KYNU: variants seen among roughly 807,000 people sequenced by gnomAD.
The protein encoded by KYNU is L-kynurenine hydrolase.
A neutral mutation model predicts 59.2 loss-of-function variants in KYNU; 54 were observed. That is an observed-to-expected ratio of 0.91 (90% confidence interval 0.73 to 1.14). The LOEUF (loss-of-function observed/expected upper bound fraction) is 1.14, where lower values mean the gene tolerates loss of function less well. Among genes scored for constraint, KYNU ranks in the 50% most tolerant of loss-of-function variants. KYNU has a pLI of 0.00. For missense variants in KYNU, 567 were observed against 554.4 expected (o/e 1.02, Z -0.23); for synonymous variants, 177 against 192.0 (o/e 0.92, Z 0.65).
intron 10 of KYNU, among the ~76,000 whole-genome samples, chr2:143,018,488 TG>T (rs1370079425): frequency 3.3e-5 from 5 of 152,170 alleles, no homozygotes; most frequent in Non-Finnish European, 7.4e-5. Flanking sequence ...CCTGTCCTAT[TG>T]GTCTATGTGT....
chr2:143,050,062 A>T lies in KYNU; in HGVS notation c.*7890A>T, dbSNP rs908456553. On this transcript the variant is annotated 3_prime_UTR_variant, in exon 14 of 14. Coordinates refer to ENST00000264170, the MANE Select transcript of KYNU (RefSeq NM_003937.3). ...ATAAAATAAAAACATATAAAATATG[A>T]AATATATAATACAGTATAAAATCTA... The T allele has an allele frequency of 6.8e-6, 1 of 148,122 alleles. No individual in the cohort carries two copies. Among genetic ancestry groups the T allele is most frequent in the African/African-American group, 2.4e-5 (1 of 40,884 alleles). 9.2% of individuals were successfully genotyped at this position (148,122 alleles called of 1,614,324 possible).
chr2:142,983,602 C>T (rs546542687), intron 8 of KYNU, among the ~76,000 whole-genome samples: 4 of 152,170 alleles, frequency 2.6e-5, no homozygotes, highest in South Asian at 2.1e-4. Context: ...TACTAGGATA[C>T]ACTTAAGCAG....
intron 2 of KYNU, among the ~76,000 whole-genome samples, chr2:142,915,613 T>C (rs1415471544): frequency 6.6e-6 from 1 of 152,168 alleles, no homozygotes; most frequent in Non-Finnish European, 1.5e-5. Flanking sequence ...CCTCAAGCAA[T>C]AAAGTGAGTT....
Position 142,957,719 on chromosome 2 carries a change from T to A in KYNU, c.582+4T>A. On this transcript the variant is annotated splice_donor_region_variant and intron_variant, in intron 7 of 13. Coordinates refer to ENST00000264170, the MANE Select transcript of KYNU (RefSeq NM_003937.3). ...GCGGATGATAAAGCCAAGAGAGGTA[T>A]ATGAGAAAGAAAGAAATATTTGTCA... 1 of 1,558,234 alleles carries A rather than the reference T, an allele frequency of 6.4e-7. No individual in the cohort carries two copies. Among genetic ancestry groups the A allele is most frequent in the Non-Finnish European group, 8.9e-7 (1 of 1,129,672 alleles).
intron 2 of KYNU, among the ~76,000 whole-genome samples, chr2:142,886,121 T>TA (rs1232033385): frequency 6.6e-6 from 1 of 152,118 alleles, no homozygotes; most frequent in South Asian, 2.1e-4. Context: ...GGAAGTCATT[T>TA]AAAAAAATAA....
Position 142,926,491 on chromosome 2 carries a change from TG to T in KYNU, c.291-1165del, listed in dbSNP as rs373792178. 3.0e-4 allele frequency among the ~76,000 whole-genome samples: 45 copies of T among 152,336 alleles called. No individual in the cohort carries two copies. The East Asian group carries it at 8.7e-3, about 29-fold the overall frequency. ...TACTTGGCATAAGTAAGGAGGACAC[TG>T]GGAGTTTTCACAAAAGCAGTGTCTC... On this transcript the variant is annotated intron_variant, in intron 3 of 13. Coordinates refer to ENST00000264170, the MANE Select transcript of KYNU (RefSeq NM_003937.3).
intron 10 of KYNU, among the ~76,000 whole-genome samples, chr2:142,993,042 T>G (rs140075889): frequency 6.6e-6 from 1 of 151,944 alleles, no homozygotes; most frequent in Non-Finnish European, 1.5e-5. Context: ...TGGGAAGAGC[T>G]TGAGCAAGGA....
intron 4 of KYNU, chr2:142,947,489 A>G (rs1683830702): frequency 3.3e-6 from 1 of 298,878 alleles, no homozygotes. Flanking sequence ...ATGGTCCATG[A>G]CATTGCCTTT....
intron 12 of KYNU, among the ~76,000 whole-genome samples, chr2:143,038,032 G>A (rs1686935419): frequency 6.6e-6 from 1 of 152,028 alleles, no homozygotes; most frequent in African/African-American, 2.4e-5. Flanking sequence ...CAAAAAAATT[G>A]GTTTCTAGTT....
chr2:142,990,192 T>A (rs948872401), intron 10 of KYNU: 1 of 151,876 alleles, frequency 6.6e-6, no homozygotes, highest in Non-Finnish European at 1.5e-5. Flanking sequence ...GGTCATGACT[T>A]CTTGGATGTT....
In KYNU at chr2:143,041,984, G is replaced by T. The variant is rs80245491; in HGVS notation, c.1273-63G>T. On this transcript the variant is annotated intron_variant, in intron 13 of 13. Transcript: ENST00000264170. ...AAAGTGCTTTACATAAGTTTATCTG[G>T]AATGTAGATTTTCAACGTGTGAATA... The T allele has an allele frequency of 1.9e-6, 3 of 1,549,196 alleles. No homozygotes were observed. The South Asian group carries it at 3.4e-5, about 17-fold the overall frequency.
At chr2:142,976,962 A>G (rs1392218662) in intron 8 of KYNU, among the ~76,000 whole-genome samples, 1 of 152,136 alleles carries the variant, frequency 6.6e-6, no homozygotes, top group Non-Finnish European at 1.5e-5. Flanking sequence ...GTTATTATCA[A>G]TAGAAAGGAA....
chr2:143,011,202 A>C (rs1306031754), intron 10 of KYNU, among the ~76,000 whole-genome samples: 3 of 141,966 alleles, frequency 2.1e-5, no homozygotes, highest in Non-Finnish European at 3.0e-5. Flanking sequence ...CAATGAACTC[A>C]AACAAATTTA....
At chr2:142,980,465 C>T (rs1685019947) in intron 8 of KYNU, among the ~76,000 whole-genome samples, 1 of 152,068 alleles carries the variant, frequency 6.6e-6, no homozygotes, top group Admixed American at 6.6e-5. Context: ...TTTACCCAGG[C>T]CCTACTCAAG....
chr2:143,016,687 A>G (rs948354082), intron 10 of KYNU, among the ~76,000 whole-genome samples: 2 of 152,154 alleles, frequency 1.3e-5, no homozygotes, highest in African/African-American at 2.4e-5. Flanking sequence ...AACTTTTTAT[A>G]ATTATGACTT....
At chr2:142,996,176 G>A (rs34332680) in intron 10 of KYNU, among the ~76,000 whole-genome samples, 34,046 of 151,784 alleles carry the variant, frequency 0.22, 4,717 homozygotes, top group African/African-American at 0.38. Flanking sequence ...TAGTATGGTC[G>A]AGCTCATGCT....
chr2:142,983,098 G>A (rs1685095233), intron 8 of KYNU, among the ~76,000 whole-genome samples: 1 of 152,008 alleles, frequency 6.6e-6, no homozygotes, highest in South Asian at 2.1e-4. Flanking sequence ...CATCAAGGTA[G>A]GACTTGGCTG....
At chr2:142,940,312 G>C (rs1683556589) in intron 4 of KYNU, among the ~76,000 whole-genome samples, 3 of 152,054 alleles carry the variant, frequency 2.0e-5, no homozygotes, top group Non-Finnish European at 4.4e-5. Context: ...TTCTAATCCT[G>C]TTATTTTGTT....
chr2:142,883,982 G>A (rs113909770), intron 1 of KYNU, among the ~76,000 whole-genome samples: 1,605 of 152,214 alleles, frequency 0.011, 14 homozygotes, highest in Middle Eastern at 0.027. Flanking sequence ...AATCTAACTA[G>A]CCCAAAGAAA....
Sources: allele counts gnomAD v4.1 joint callset (sites outside exome capture counted in the v4.1 genomes callset), GRCh38; gene constraint gnomAD v4.1.1; transcripts MANE v1.5; gene names NCBI Gene and HGNC (gene_info 2026-07-23, HGNC 2026-07-21).